The following MSN variants were observed in gnomAD, a reference collection of about 807,000 sequenced individuals.
The protein encoded by MSN is epididymis luminal protein 70.
MSN carries 2 observed loss-of-function variants against 48.0 expected under a neutral mutation model. The ratio of observed to expected loss-of-function variants is 0.04; its 90% CI spans 0.02 to 0.13. The LOEUF (loss-of-function observed/expected upper bound fraction) is 0.13. Among genes scored for constraint, MSN ranks in the 10% least tolerant of loss-of-function variants. The probability of loss-of-function intolerance (pLI) is 1.00; values close to 1 mark genes in which losing one functional copy is unlikely to be tolerated. For missense variants in MSN, 267 were observed against 470.1 expected, an observed-to-expected ratio of 0.57 and a Z score of 3.99; for synonymous variants, 146 against 166.9, an observed-to-expected ratio of 0.87 and a Z score of 0.97.
intron 1 of MSN, among the ~76,000 whole-genome samples, chrX:65,601,547 A>G (rs1338289978): frequency 8.9e-6 from 1 of 112,929 alleles, no homozygotes; most frequent in Non-Finnish European, 1.9e-5. Flanking sequence ...TAAATGCCTT[A>G]TAGGGCTAGA....
intron 1 of MSN, among the ~76,000 whole-genome samples, chrX:65,694,152 G>C (rs1478157740): frequency 9.0e-6 from 1 of 110,833 alleles, no homozygotes; most frequent in Non-Finnish European, 1.9e-5. Flanking sequence ...GAGCTCAAGA[G>C]TATGAGTATA....
intron 1 of MSN, among the ~76,000 whole-genome samples, chrX:65,593,776 C>T: frequency 8.9e-6 from 1 of 112,513 alleles, no homozygotes; most frequent in Non-Finnish European, 1.9e-5. Context: ...CTCCTGACCT[C>T]AGGTGATCCA....
At chrX:65,700,221 A>G (rs2071288475) in intron 1 of MSN, among the ~76,000 whole-genome samples, 1 of 111,309 alleles carries the variant, frequency 9.0e-6, no homozygotes, top group South Asian at 3.8e-4. Flanking sequence ...GCCTTGCAAC[A>G]CTCCGGTGAG....
intron 1 of MSN, among the ~76,000 whole-genome samples, chrX:65,668,313 G>A: frequency 1.8e-5 from 2 of 112,270 alleles, no homozygotes; most frequent in Middle Eastern, 4.6e-3. Context: ...CGCTCGGGGC[G>A]GATCCGGCAC....
intron 2 of MSN, among the ~76,000 whole-genome samples, chrX:65,718,922 T>G (rs1303882019): frequency 9.0e-6 from 1 of 111,330 alleles, no homozygotes; most frequent in Non-Finnish European, 1.9e-5. Context: ...AGGTGGAACT[T>G]ACTTCTCTGG....
intron 1 of MSN, among the ~76,000 whole-genome samples, chrX:65,641,314 G>A (rs2070647399): frequency 9.4e-6 from 1 of 106,190 alleles, no homozygotes; most frequent in African/African-American, 3.4e-5. Context: ...CAGATCACTT[G>A]AGGTCAGGAG....
chrX:65,623,368 C>CTTTTTTTTTTTTTTTTTT (rs773663630), intron 1 of MSN, among the ~76,000 whole-genome samples: 22 of 74,072 alleles, frequency 3.0e-4, no homozygotes, highest in Non-Finnish European at 4.7e-4. Flanking sequence ...TCTTTCTTTT[C>CTTTTTTTTTTTTTTTTTT]TTTTTTTTTT....
intron 1 of MSN, among the ~76,000 whole-genome samples, chrX:65,640,105 T>C (rs376452197): frequency 7.3e-4 from 82 of 111,845 alleles, no homozygotes; most frequent in Admixed American, 1.5e-3. Context: ...ACATAAATTG[T>C]CAACATCACA....
chrX:65,609,480 G>A (rs924566360), intron 1 of MSN, among the ~76,000 whole-genome samples: 1 of 111,211 alleles, frequency 9.0e-6, no homozygotes, highest in Non-Finnish European at 1.9e-5. Context: ...TATAAAGCAC[G>A]TAGCTCTACA....
In MSN at chrX:65,614,976, T is replaced by C. The variant is rs1253345124; in HGVS notation, c.-22+26364T>C. On this transcript the variant is annotated intron_variant, in intron 1 of 3. Transcript: ENST00000609672. ...GGTGTTTGGTTTTTTGTTCTTGTGA[T>C]AGTTTACTGAGAATGATGATTTCCA... is the stretch of plus-strand genomic sequence containing the variant. Among the ~76,000 whole-genome samples, 3 of 96,089 alleles carry C rather than the reference T, an allele frequency of 3.1e-5. No individual in the cohort carries two copies. The Admixed American group carries it at 3.5e-4, about 11-fold the overall frequency. 83.4% of individuals were successfully genotyped at this position (96,089 alleles called of 115,157 possible).
Position 65,741,877 on chromosome X carries a change from G to T in MSN, c.*1984G>T, listed in dbSNP as rs561162122. The T allele has an allele frequency of 1.1e-3, 179 of 158,871 alleles. No individual in the cohort carries two copies. Among genetic ancestry groups the T allele is most frequent in the Non-Finnish European group, 1.3e-3 (110 of 81,820 alleles). 13.1% of individuals were successfully genotyped at this position (158,871 alleles called of 1,213,427 possible). A position where few individuals can be genotyped will look rare whatever the true frequency, so the allele number is the denominator to read the frequency against. ...TTTTTTAAAAATTGTTTTTGGAGGG[G>T]TTTATGCTCAATCCATGTTCTATTT... On this transcript the variant is annotated 3_prime_UTR_variant, in exon 13 of 13. Transcript: ENST00000360270.
At position 65,648,136 on chromosome X, in the gene MSN, G is replaced by A. The variant is rs953035784; in HGVS notation, c.-22+59524G>A. On this transcript the variant is annotated intron_variant, in intron 1 of 3. Coordinates refer to the MSN transcript ENST00000609672. The stretch of plus-strand genomic sequence containing the variant: ...GTGGGTTGAAATGGCTGGAGGGGGT[G>A]GGGGGGGCGTGAGGAAAAAGAAGAT... 6.6e-5 allele frequency among the ~76,000 whole-genome samples: 7 copies of A among 106,010 alleles called. No individual in the cohort carries two copies. The Admixed American group carries it at 7.1e-4, about 11-fold the overall frequency. 92.1% of individuals were successfully genotyped at this position (106,010 alleles called of 115,157 possible).
At chrX:65,615,308 T>G (rs2070359653) in intron 1 of MSN, among the ~76,000 whole-genome samples, 1 of 107,987 alleles carries the variant, frequency 9.3e-6, no homozygotes, top group South Asian at 3.9e-4. Context: ...TGAACTAGTT[T>G]ACAGTCCCAC....
chrX:65,630,680 C>T (rs2070549248), intron 1 of MSN, among the ~76,000 whole-genome samples: 1 of 111,419 alleles, frequency 9.0e-6, no homozygotes, highest in East Asian at 2.8e-4. Context: ...CTCCTTACCC[C>T]AGCGCTAGGC....
intron 10 of MSN, among the ~76,000 whole-genome samples, chrX:65,737,950 T>A (rs2071694709): frequency 8.9e-6 from 1 of 112,486 alleles, no homozygotes; most frequent in Non-Finnish European, 1.9e-5. Context: ...GTTAAGAACC[T>A]GTGGTCCAAA....
intron 2 of MSN, among the ~76,000 whole-genome samples, chrX:65,718,553 T>A (rs1337072969): frequency 9.0e-6 from 1 of 111,651 alleles, no homozygotes; most frequent in East Asian, 2.8e-4. Context: ...GTTGACGTGA[T>A]GTGGTGGCTC....
chrX:65,638,693 T>A (rs1206995900), intron 1 of MSN, among the ~76,000 whole-genome samples: 2 of 112,456 alleles, frequency 1.8e-5, no homozygotes, highest in African/African-American at 6.5e-5. Context: ...TAGCTGGGAT[T>A]AGAAGTGTGC....
In MSN at chrX:65,618,428, T is replaced by C. The variant is rs2070398183; in HGVS notation, c.-22+29816T>C. ...CATATATATTTAGGATAGTTAGCTCTTCTTGTTGAATTGATCCCTTTACCA... is the reference window on the plus strand; with the variant it reads ...CATATATATTTAGGATAGTTAGCTCCTCTTGTTGAATTGATCCCTTTACCA... On this transcript the variant is annotated intron_variant, in intron 1 of 3. Coordinates refer to the MSN transcript ENST00000609672. Among the ~76,000 whole-genome samples the C allele has an allele frequency of 3.6e-5, 4 of 111,479 alleles. No homozygotes were observed. In the Admixed American group the frequency reaches 3.8e-4, roughly 11 times the overall value.
At chrX:65,618,839 C>G (rs1267760486) in intron 1 of MSN, among the ~76,000 whole-genome samples, 1 of 111,606 alleles carries the variant, frequency 9.0e-6, no homozygotes, top group Non-Finnish European at 1.9e-5. Context: ...TTTGCAGTGG[C>G]TGGTACCGGT....
Sources: gnomAD v4.1 joint callset for allele counts (sites outside exome capture counted in the v4.1 genomes callset) on GRCh38, gnomAD v4.1.1 for gene constraint, MANE v1.5 for transcripts, NCBI Gene and HGNC (gene_info 2026-07-23, HGNC 2026-07-21) for gene names.